RAB27A: variants seen among roughly 807,000 people sequenced by gnomAD.
RAB27A encodes the protein ras-related protein Rab-27A.
RAB27A carries 17 observed loss-of-function variants against 20.8 expected under a neutral mutation model. The observed-to-expected ratio is 0.82, with a 90% CI of 0.56 to 1.23. RAB27A has a LOEUF of 1.23. RAB27A is among the 50% of genes most tolerant of loss of function. The pLI is 0.00. For synonymous variants in RAB27A, 85 were observed against 92.8 expected (o/e 0.92, Z 0.48); for missense variants, 277 against 266.7 (o/e 1.04, Z -0.27).
intron 2 of RAB27A, among the ~76,000 whole-genome samples, chr15:55,238,730 G>A (rs150594582): frequency 6.9e-4 from 97 of 139,882 alleles, no homozygotes; most frequent in African/African-American, 3.1e-3. Context: ...GGCTCAAAGT[G>A]GTCGGCTGAG....
At chr15:55,313,476 T>G (rs1471850204) in intron 2 of RAB27A, among the ~76,000 whole-genome samples, 1 of 152,210 alleles carries the variant, frequency 6.6e-6, no homozygotes, top group Non-Finnish European at 1.5e-5. Flanking sequence ...AATCCATTTA[T>G]ACAACAATAA....
upstream of RAB27A, chr15:55,290,345 C>T (rs1708852660): frequency 6.6e-6 from 1 of 152,220 alleles, no homozygotes; most frequent in African/African-American, 2.4e-5. Context: ...CGGCTCCTGG[C>T]TTAGGTCGGC....
intron 6 of RAB27A, among the ~76,000 whole-genome samples, chr15:55,214,781 T>C (rs2140929142): frequency 6.6e-6 from 1 of 152,270 alleles, no homozygotes; most frequent in South Asian, 2.1e-4. Flanking sequence ...GGCAATCCTT[T>C]GTGACTGGAG....
chr15:55,228,522 G>T (rs145252914), intron 5 of RAB27A, 87 bp downstream of exon 5: 3 of 1,048,030 alleles, frequency 2.9e-6, no homozygotes, highest in Non-Finnish European at 4.5e-6. Context: ...CCTCCAAAAC[G>T]ATTTGTCACA....
At chr15:55,296,476 C>G (rs546487024) in intron 2 of RAB27A, among the ~76,000 whole-genome samples, 91 of 152,062 alleles carry the variant, frequency 6.0e-4, no homozygotes, top group African/African-American at 2.1e-3. Context: ...TGCACTCCAG[C>G]TTGGGCAATA....
In RAB27A at chr15:55,306,246, T is replaced by A. The variant is rs1047247673; in HGVS notation, c.-112+7793A>T. On this transcript the variant is annotated intron_variant, in intron 2 of 5. Transcript: ENST00000563262. ...AGGTCCTACTAAAACGGAAGTGGTG[T>A]TTATGTGTTGAAGTTGTTCCCTTGT... 9.9e-5 allele frequency among the ~76,000 whole-genome samples: 15 copies of A among 152,216 alleles called. 1 individual carries two copies. Among genetic ancestry groups the A allele is most frequent in the Admixed American group, 7.2e-4 (11 of 15,282 alleles).
At chr15:55,209,927 T>C (rs756814226) in intron 6 of RAB27A, among the ~76,000 whole-genome samples, 2 of 112,746 alleles carry the variant, frequency 1.8e-5, no homozygotes, top group Non-Finnish European at 3.5e-5. Context: ...TATACACACA[T>C]ATATGTATGT....
At chr15:55,279,151 G>C (rs958405670) in intron 1 of RAB27A, among the ~76,000 whole-genome samples, 1 of 152,172 alleles carries the variant, frequency 6.6e-6, no homozygotes, top group Non-Finnish European at 1.5e-5. Flanking sequence ...ACAGCAGAAA[G>C]AGCCAGGCAG....
intron 6 of RAB27A, among the ~76,000 whole-genome samples, chr15:55,210,220 T>C (rs1225538853): frequency 5.6e-5 from 8 of 142,508 alleles, no homozygotes; most frequent in East Asian, 2.1e-4. Flanking sequence ...TGTATGTGTA[T>C]GTATATATAC....
At chr15:55,289,659 G>A (rs1284768838) in intron 1 of RAB27A, 57 bp downstream of exon 1, 1 of 152,490 alleles carries the variant, frequency 6.6e-6, no homozygotes, top group Non-Finnish European at 1.5e-5. Flanking sequence ...CGCCTCGCTC[G>A]GCCCTCCCGG....
chr15:55,267,306 A>C (rs1897531334), intron 2 of RAB27A, among the ~76,000 whole-genome samples: 1 of 152,228 alleles, frequency 6.6e-6, no homozygotes. Flanking sequence ...CAAGAAAAAC[A>C]AACAAAAATG....
intron 1 of RAB27A, among the ~76,000 whole-genome samples, chr15:55,272,081 C>T (rs1897724851): frequency 1.3e-5 from 2 of 152,174 alleles, no homozygotes; most frequent in Non-Finnish European, 1.5e-5. Context: ...TTAGAGTTAG[C>T]TTCCTTTAAT....
intron 2 of RAB27A, among the ~76,000 whole-genome samples, chr15:55,240,602 T>G (rs529801078): frequency 6.6e-6 from 1 of 152,058 alleles, no homozygotes; most frequent in Admixed American, 6.6e-5. Flanking sequence ...AATCTATTGT[T>G]GAGAGACAGG....
chr15:55,241,061 T>G (rs1882355964), intron 2 of RAB27A, among the ~76,000 whole-genome samples: 1 of 152,214 alleles, frequency 6.6e-6, no homozygotes, highest in Admixed American at 6.5e-5. Context: ...TTAGCTGTTA[T>G]TAGCAGCAGC....
chr15:55,232,955 T>C (rs1162725833), intron 3 of RAB27A, among the ~76,000 whole-genome samples: 1 of 151,688 alleles, frequency 6.6e-6, no homozygotes, highest in African/African-American at 2.4e-5. Flanking sequence ...AAAACCCCAT[T>C]ACTACTAAAA....
rs530403713 is a variant in RAB27A, at chr15:55,264,051, T to C, written c.-23+6114A>G. On this transcript the variant is annotated intron_variant, in intron 2 of 6. Transcript: ENST00000336787. ...GTTATTTTTTCTGTTTGTTTGTTTG[T>C]TTTTGTTTTTTGAGACAAGAGTCTC... 2.0e-5 allele frequency among the ~76,000 whole-genome samples: 3 copies of C among 152,280 alleles called. No homozygotes were observed. In the East Asian group the frequency reaches 5.8e-4, roughly 29 times the overall value.
At chr15:55,279,709 C>T (rs1275081812) in intron 1 of RAB27A, among the ~76,000 whole-genome samples, 1 of 152,206 alleles carries the variant, frequency 6.6e-6, no homozygotes, top group Non-Finnish European at 1.5e-5. Context: ...AATAAAAGTC[C>T]ATTCCCTCGC....
chr15:55,310,848 G>A (rs2055017210), intron 2 of RAB27A, among the ~76,000 whole-genome samples: 1 of 152,154 alleles, frequency 6.6e-6, no homozygotes, highest in Non-Finnish European at 1.5e-5. Flanking sequence ...AATATAATCA[G>A]GTGACAGAGA....
intron 1 of RAB27A, among the ~76,000 whole-genome samples, chr15:55,274,606 C>T (rs1365920078): frequency 2.6e-5 from 4 of 151,018 alleles, no homozygotes; most frequent in Non-Finnish European, 5.9e-5. Context: ...GGCAAAACCC[C>T]GTTTCTATTA....
Sources: allele counts gnomAD v4.1 joint callset (sites outside exome capture counted in the v4.1 genomes callset), GRCh38; gene constraint gnomAD v4.1.1; transcripts MANE v1.5; gene names NCBI Gene and HGNC (gene_info 2026-07-23, HGNC 2026-07-21).